ANKHD1: variants seen among roughly 807,000 people sequenced by gnomAD.
The protein encoded by ANKHD1 is ankyrin repeat and KH domain containing 1.
Under a neutral mutation model 230.5 loss-of-function variants are expected in ANKHD1, and 31 were observed. The observed-to-expected ratio is 0.13, with a 90% CI of 0.10 to 0.18. ANKHD1 has a LOEUF of 0.18. Among genes scored for constraint, ANKHD1 ranks in the 10% least tolerant of loss-of-function variants. The probability of loss-of-function intolerance (pLI) is 1.00; values close to 1 mark genes in which losing one functional copy is unlikely to be tolerated. For missense variants in ANKHD1, 2,256 were observed against 3,071.3 expected (o/e 0.73, Z 6.27); for synonymous variants, 1,074 against 1,117.6 (o/e 0.96, Z 0.78).
chr5:140,428,623 G>A (rs1184918901), intron 1 of ANKHD1, among the ~76,000 whole-genome samples: 4 of 151,884 alleles, frequency 2.6e-5, no homozygotes, highest in Non-Finnish European at 4.4e-5. Context: ...GAGGGAGACC[G>A]TGGAAAGAGA....
At chr5:140,526,778 T>G in intron 26 of ANKHD1, 150 bp from the exon 27 acceptor site, 4 of 1,168,522 alleles carry the variant, frequency 3.4e-6, no homozygotes, top group Non-Finnish European at 4.5e-6. Context: ...GGTTCTTTGC[T>G]CTATTTCTGT....
intron 8 of ANKHD1, 44 bp from the exon 9 acceptor site, chr5:140,459,120 T>G (rs769635056): frequency 2.8e-6 from 4 of 1,427,142 alleles, no homozygotes; most frequent in Non-Finnish European, 3.7e-6. Context: ...ATCTTTATTA[T>G]AAGTCTCTTG....
intron 1 of ANKHD1, among the ~76,000 whole-genome samples, chr5:140,416,692 C>A (rs1458748107): frequency 6.6e-6 from 1 of 151,790 alleles, no homozygotes; most frequent in African/African-American, 2.4e-5. Flanking sequence ...ACTATGTTGT[C>A]CAGGCTGGTC....
In ANKHD1 at chr5:140,428,409, G is replaced by A. The variant is rs538400348; in HGVS notation, c.307-7695G>A. 1.1e-4 allele frequency among the ~76,000 whole-genome samples: 16 copies of A among 152,272 alleles called. No homozygotes were observed. The East Asian group carries it at 2.7e-3, about 26-fold the overall frequency. ...GGCACCTCGGGAGGCCGAGGCTGGC[G>A]GATCACTCGCGGTTAGGAGCTGGAG... On this transcript the variant is annotated intron_variant, in intron 1 of 33. Transcript: ENST00000360839.
At chr5:140,536,434 T>C (rs1465385667) in intron 30 of ANKHD1, among the ~76,000 whole-genome samples, 1 of 152,222 alleles carries the variant, frequency 6.6e-6, no homozygotes, top group Admixed American at 6.5e-5. Context: ...AGATGAAGTA[T>C]GTGGAATTGA....
intron 1 of ANKHD1, among the ~76,000 whole-genome samples, chr5:140,427,468 G>A (rs1157905693): frequency 7.6e-6 from 1 of 131,196 alleles, no homozygotes; most frequent in African/African-American, 2.9e-5. Flanking sequence ...GCCGGGCAGA[G>A]GGGCTCCTCA....
intron 1 of ANKHD1, among the ~76,000 whole-genome samples, chr5:140,409,080 ACAAAATCACTC>A (rs1370409101): frequency 6.6e-6 from 1 of 152,144 alleles, no homozygotes; most frequent in Non-Finnish European, 1.5e-5. Context: ...TCTCCTAGGG[ACAAAATCACTC>A]CTGGTTGAGA....
chr5:140,412,628 C>T (rs1771032400), intron 1 of ANKHD1, among the ~76,000 whole-genome samples: 1 of 152,100 alleles, frequency 6.6e-6, no homozygotes, highest in African/African-American at 2.4e-5. Context: ...TAATTAAAAC[C>T]ATTGAAATAG....
intron 14 of ANKHD1, among the ~76,000 whole-genome samples, chr5:140,493,384 A>G (rs1233218300): frequency 2.0e-5 from 3 of 152,264 alleles, no homozygotes; most frequent in African/African-American, 7.2e-5. Flanking sequence ...TTTAAATAGT[A>G]CTTTATGATA....
At position 140,528,666 on chromosome 5, in the gene ANKHD1, A is replaced by G. The variant is rs376306670; in HGVS notation, c.5720A>G (p.His1907Arg). 1.3e-5 allele frequency: 21 copies of G among 1,614,196 alleles called. No homozygotes were observed. The Admixed American group carries it at 3.2e-4, about 24-fold the overall frequency. Residue 1907 changes from histidine to arginine, a missense_variant, in exon 29 of 34, where the codon CAT (histidine) becomes CGT (arginine). Coordinates refer to ENST00000360839, the MANE Select transcript of ANKHD1 (RefSeq NM_017747.3). Reference sequence around the variant, plus strand: ...GGCAACACAAATAGCTCTCCAAAGCATAATAACACAAGCCGTCTACCTAAC... The same window carrying G: ...GGCAACACAAATAGCTCTCCAAAGCGTAATAACACAAGCCGTCTACCTAAC... ...NPGNTNSSPK[H>R]NNTSRLPNQN... is the part of the protein sequence containing the mutation.
chr5:140,458,847 C>T lies in ANKHD1; in HGVS notation c.1465C>T (p.Leu489=). ...AREGHEEMVA[L]LLAQGANINA... is the part of the protein sequence containing the mutation. ...GGAAGGACATGAAGAAATGGTGGCA[C>T]TACTCTTAGCACAAGGTAAAGCAGT... Residue 489 remains leucine, a synonymous_variant, in exon 8 of 34, where the codon CTA becomes TTA. Coordinates refer to ENST00000360839, the MANE Select transcript of ANKHD1 (RefSeq NM_017747.3). 6.2e-7 allele frequency: 1 copy of T among 1,611,434 alleles called. No homozygotes were observed. The highest frequency in any genetic ancestry group is 8.5e-7 in the Non-Finnish European group (1 of 1,178,920).
intron 1 of ANKHD1, among the ~76,000 whole-genome samples, chr5:140,426,532 T>A (rs904453387): frequency 1.1e-4 from 17 of 149,656 alleles, no homozygotes; most frequent in South Asian, 4.2e-4. Flanking sequence ...TTATTTATTT[T>A]TTTATTGATC....
intron 10 of ANKHD1, among the ~76,000 whole-genome samples, chr5:140,475,229 C>T (rs1750897647): frequency 1.3e-5 from 2 of 152,068 alleles, no homozygotes; most frequent in Non-Finnish European, 2.9e-5. Context: ...TGTAGTCGTG[C>T]CCCAAAACAA....
chr5:140,516,523 T>G (rs926925478), intron 24 of ANKHD1, among the ~76,000 whole-genome samples: 1 of 151,984 alleles, frequency 6.6e-6, no homozygotes, highest in East Asian at 1.9e-4. Context: ...GAAAAAATGT[T>G]AAGGGCAGCC....
rs180891796 is a variant in ANKHD1, at chr5:140,417,964, C to T, written c.306+15691C>T. 3.9e-4 allele frequency among the ~76,000 whole-genome samples: 59 copies of T among 151,150 alleles called. No individual in the cohort carries two copies. In the East Asian group the frequency reaches 0.01, roughly 26 times the overall value. On this transcript the variant is annotated intron_variant, in intron 1 of 33. Coordinates refer to ENST00000360839, the MANE Select transcript of ANKHD1 (RefSeq NM_017747.3). ...AAGCAATTCTCCTGCTTCAGCCCCC[C>T]GAGTAGCTGGGATTACAGGTGCCTG...
At chr5:140,484,132 C>T (rs1012506561) in intron 11 of ANKHD1, among the ~76,000 whole-genome samples, 1 of 152,098 alleles carries the variant, frequency 6.6e-6, no homozygotes, top group Non-Finnish European at 1.5e-5. Context: ...TACTTTTATG[C>T]AAGTTAGGAT....
At chr5:140,420,644 G>A (rs919647683) in intron 1 of ANKHD1, among the ~76,000 whole-genome samples, 3 of 152,144 alleles carry the variant, frequency 2.0e-5, no homozygotes, top group Non-Finnish European at 2.9e-5. Flanking sequence ...AGTTGACTAC[G>A]TGTGAGGGTT....
intron 7 of ANKHD1, among the ~76,000 whole-genome samples, chr5:140,455,037 C>T (rs1172977719): frequency 1.3e-5 from 2 of 152,064 alleles, no homozygotes; most frequent in Non-Finnish European, 2.9e-5. Context: ...GGGATATCAC[C>T]ACCGATCCCA....
At chr5:140,455,414 AAG>A (rs1278427540) in intron 7 of ANKHD1, among the ~76,000 whole-genome samples, 1 of 152,230 alleles carries the variant, frequency 6.6e-6, no homozygotes, top group Non-Finnish European at 1.5e-5. Flanking sequence ...ACAACAAAAA[AAG>A]AGAATTTTAG....
Sources: allele counts gnomAD v4.1 joint callset (sites outside exome capture counted in the v4.1 genomes callset), GRCh38; gene constraint gnomAD v4.1.1; transcripts MANE v1.5; gene names NCBI Gene and HGNC (gene_info 2026-07-23, HGNC 2026-07-21).